PLA2G4E: variants seen among roughly 807,000 people sequenced by gnomAD.
The protein encoded by PLA2G4E is phospholipase A2 group IVE, also known as cytosolic phospholipase A2 epsilon.
In PLA2G4E, 84 loss-of-function variants were observed where a neutral mutation model predicts 109.1. The ratio of observed to expected loss-of-function variants is 0.77; its 90% CI spans 0.65 to 0.92. The LOEUF is 0.92. Among genes scored for constraint, PLA2G4E ranks in the 40% least tolerant of loss-of-function variants. PLA2G4E has a pLI of 0.00. For missense variants in PLA2G4E, 1,057 were observed against 1,076.6 expected, an observed-to-expected ratio of 0.98 and a Z score of 0.25; for synonymous variants, 469 against 436.1, an observed-to-expected ratio of 1.08 and a Z score of -0.94.
At chr15:42,002,550 C>CAGAGACCAAG in intron 6 of PLA2G4E, 104 bp downstream of exon 6, 1 of 1,318,594 alleles carries the variant, frequency 7.6e-7, no homozygotes, top group Admixed American at 2.0e-5. Context: ...CAGGATAGGA[C>CAGAGACCAAG]AGAGACCAAG....
intron 1 of PLA2G4E, among the ~76,000 whole-genome samples, chr15:42,031,843 T>A (rs1428860551): frequency 2.0e-5 from 3 of 152,200 alleles, no homozygotes; most frequent in Non-Finnish European, 4.4e-5. Context: ...AAGAACTGTG[T>A]CAGATGGTTC....
chr15:41,995,026 A>T (rs1432524982), intron 12 of PLA2G4E, among the ~76,000 whole-genome samples: 1 of 152,228 alleles, frequency 6.6e-6, no homozygotes, highest in Admixed American at 6.5e-5. Context: ...GTATGGGGTC[A>T]TGTTCCTGGG....
At chr15:42,030,336 A>T (rs1171671153) in intron 1 of PLA2G4E, among the ~76,000 whole-genome samples, 1 of 152,218 alleles carries the variant, frequency 6.6e-6, no homozygotes, top group Non-Finnish European at 1.5e-5. Flanking sequence ...TTCATCAGCC[A>T]TCATGGGGCT....
At chr15:41,994,330 T>C (rs1595561022) in intron 12 of PLA2G4E, among the ~76,000 whole-genome samples, 2 of 152,278 alleles carry the variant, frequency 1.3e-5, no homozygotes, top group African/African-American at 2.4e-5. Context: ...CAGGAGCCCT[T>C]GGCTTTCCAA....
exon 11 of PLA2G4E, chr15:41,997,187 C>T (rs753576132): frequency 1.3e-6 from 2 of 1,558,086 alleles, no homozygotes; most frequent in African/African-American, 1.4e-5. Flanking sequence ...CCACCACGAC[C>T]TTCCGCTTCT....
chr15:42,028,658 C>T (rs545420485), intron 1 of PLA2G4E, among the ~76,000 whole-genome samples: 16 of 152,138 alleles, frequency 1.1e-4, no homozygotes, highest in Non-Finnish European at 1.6e-4. Context: ...CTGCCCACCT[C>T]GGCCTCCCAA....
chr15:42,027,003 G>A (rs887802887), intron 1 of PLA2G4E, among the ~76,000 whole-genome samples: 1 of 151,608 alleles, frequency 6.6e-6, no homozygotes, highest in African/African-American at 2.4e-5. Context: ...AGAAAGATGT[G>A]TATGAGGGCA....
At chr15:42,026,187 T>A (rs1478510229) in intron 1 of PLA2G4E, among the ~76,000 whole-genome samples, 1 of 151,874 alleles carries the variant, frequency 6.6e-6, no homozygotes, top group East Asian at 1.9e-4. Context: ...TACCAGGTAC[T>A]AAGATAAATT....
exon 20 of PLA2G4E, chr15:41,982,482 G>C (rs967866936): frequency 3.3e-5 from 5 of 152,158 alleles, no homozygotes; most frequent in Non-Finnish European, 7.4e-5. Context: ...TCCAAGAGTT[G>C]GAATGCACTG....
Position 41,999,515 on chromosome 15 carries a change from G to T in PLA2G4E, c.974+9C>A. 6.3e-7 allele frequency: 1 copy of T among 1,582,544 alleles called. No individual in the cohort carries two copies. The highest frequency in any genetic ancestry group is 8.7e-7 in the Non-Finnish European group (1 of 1,151,696). On this transcript the variant is annotated intron_variant, in intron 10 of 19. Transcript: ENST00000399518. Reference sequence around the variant, plus strand: ...AGTGAGAGGCACGGACAGAATGCGGGTACTATACCAGGGTGTAGACTTCAT... The same window carrying T: ...AGTGAGAGGCACGGACAGAATGCGGTTACTATACCAGGGTGTAGACTTCAT...
intron 1 of PLA2G4E, among the ~76,000 whole-genome samples, chr15:42,028,581 ATT>A (rs1035094925): frequency 6.6e-6 from 1 of 151,644 alleles, no homozygotes; most frequent in African/African-American, 2.4e-5. Flanking sequence ...TAATTTTTGT[ATT>A]TTTTGTAGAG....
intron 1 of PLA2G4E, among the ~76,000 whole-genome samples, chr15:42,023,759 G>T (rs1379091815): frequency 6.6e-6 from 1 of 152,018 alleles, no homozygotes; most frequent in East Asian, 1.9e-4. Flanking sequence ...TCTTCTCACT[G>T]AAGAAGCCCA....
At chr15:42,042,472 T>C (rs891462979) in intron 1 of PLA2G4E, among the ~76,000 whole-genome samples, 40 of 152,206 alleles carry the variant, frequency 2.6e-4, no homozygotes, top group Admixed American at 2.4e-3. Flanking sequence ...AAGAACATTA[T>C]TATAAATAAA....
In PLA2G4E at chr15:42,000,011, G is replaced by A. The variant is rs1236564674; in HGVS notation, c.853-11C>T. 1 of 1,601,948 alleles carries A rather than the reference G, an allele frequency of 6.2e-7. No homozygotes were observed. Among genetic ancestry groups the A allele is most frequent in the South Asian group, 1.1e-5 (1 of 88,560 alleles). ...AGAGCGGCAGCAAAGCTGGAGGGAT[G>A]GGTGGGTTCTGTGAGAGGGGCTGGG... On this transcript the variant is annotated splice_polypyrimidine_tract_variant and intron_variant, in intron 8 of 19. Transcript: ENST00000399518.
At chr15:42,007,317 A>G (rs1014331267) in intron 3 of PLA2G4E, among the ~76,000 whole-genome samples, 2 of 152,244 alleles carry the variant, frequency 1.3e-5, no homozygotes, top group African/African-American at 4.8e-5. Flanking sequence ...AGAAATGGAA[A>G]TAATAAAGCA....
chr15:41,988,665 C>A (rs111310030), intron 15 of PLA2G4E, among the ~76,000 whole-genome samples: 29 of 152,292 alleles, frequency 1.9e-4, no homozygotes, highest in Admixed American at 6.5e-4. Context: ...GCAATCTGGC[C>A]AACTTTACAC....
At chr15:42,008,635 G>C (rs1366256218) in intron 2 of PLA2G4E, among the ~76,000 whole-genome samples, 1 of 152,206 alleles carries the variant, frequency 6.6e-6, no homozygotes, top group Non-Finnish European at 1.5e-5. Flanking sequence ...GGTCTCCTAA[G>C]TCTTCCACCT....
intron 19 of PLA2G4E, 114 bp from the exon 20 acceptor site, chr15:41,984,088 A>G (rs1295178415): frequency 1.1e-6 from 1 of 948,756 alleles, no homozygotes; most frequent in African/African-American, 1.6e-5. Context: ...ACACACCTGC[A>G]TGAAAACCTG....
chr15:42,044,216 T>C (rs1889368516), intron 1 of PLA2G4E, among the ~76,000 whole-genome samples: 1 of 152,196 alleles, frequency 6.6e-6, no homozygotes, highest in East Asian at 1.9e-4. Flanking sequence ...AGTAACAGGG[T>C]GCTACGAAAG....
Sources: allele counts gnomAD v4.1 joint callset (sites outside exome capture counted in the v4.1 genomes callset), GRCh38; gene constraint gnomAD v4.1.1; transcripts MANE v1.5; gene names NCBI Gene and HGNC (gene_info 2026-07-23, HGNC 2026-07-21).